The following CTSH variants were observed in gnomAD, a reference collection of about 807,000 sequenced individuals.
The protein encoded by CTSH is pro-cathepsin H.
CTSH carries 52 observed loss-of-function variants against 56.3 expected under a neutral mutation model. That is an observed-to-expected ratio of 0.92 (90% CI 0.74 to 1.16). The LOEUF (loss-of-function observed/expected upper bound fraction) is 1.16. Ranked by LOEUF, CTSH falls within the 50% of genes most tolerant of loss-of-function variation. CTSH has a pLI of 0.00. For missense variants in CTSH, 406 were observed against 424.5 expected, an observed-to-expected ratio of 0.96 and a Z score of 0.38; for synonymous variants, 174 against 155.7, an observed-to-expected ratio of 1.12 and a Z score of -0.88.
Position 78,922,058 on chromosome 15 carries a change from C to T in CTSH, c.*72G>A. 6 of 1,400,360 alleles carry T rather than the reference C, an allele frequency of 4.3e-6. No homozygotes were observed. The highest frequency in any genetic ancestry group is 1.2e-5 in the South Asian group (1 of 80,592). 86.7% of individuals were successfully genotyped at this position (1,400,360 alleles called of 1,614,324 possible). A position where few individuals can be genotyped will look rare whatever the true frequency, so the allele number is the denominator to read the frequency against. ...GATCTCCCCACAACTTCCTCCAGGG[C>T]AGGATTTCCACCCAGGCCCAGGCTG... On this transcript the variant is annotated 3_prime_UTR_variant, in exon 12 of 12. Transcript: ENST00000220166.
intron 3 of CTSH, 133 bp downstream of exon 3, chr15:78,937,185 T>C: frequency 1.4e-6 from 1 of 689,660 alleles, no homozygotes; most frequent in Non-Finnish European, 2.5e-6. Flanking sequence ...GGAGCCACAA[T>C]CTGAGGTCAG....
intron 6 of CTSH, chr15:78,932,154 A>G (rs2055074968): frequency 9.8e-7 from 1 of 1,020,732 alleles, no homozygotes; most frequent in South Asian, 1.8e-5. Flanking sequence ...AGATCCATCT[A>G]GGAATGAGCC....
At chr15:78,922,895 C>T in intron 11 of CTSH, 98 bp downstream of exon 11, 1 of 1,443,190 alleles carries the variant, frequency 6.9e-7, no homozygotes. Context: ...ACCAGCTCGT[C>T]TGTGGAAGCC....
At chr15:78,933,846 C>T (rs1433988740) in intron 5 of CTSH, among the ~76,000 whole-genome samples, 1 of 152,238 alleles carries the variant, frequency 6.6e-6, no homozygotes. Flanking sequence ...TCTATCCCCA[C>T]ACAGCGGCCA....
chr15:78,944,836 A>T, intron 1 of CTSH, 55 bp downstream of exon 1: 1 of 1,507,442 alleles, frequency 6.6e-7, no homozygotes, highest in Non-Finnish European at 8.9e-7. Flanking sequence ...AAGTTCTCCC[A>T]GCGTCCACTC....
chr15:78,934,952 G>A, intron 5 of CTSH, 26 bp downstream of exon 5: 1 of 1,473,960 alleles, frequency 6.8e-7, no homozygotes, highest in South Asian at 1.1e-5. Context: ...GTTTTGCAGG[G>A]AGAGGATGGA....
At chr15:78,942,829 A>G (rs1343682447) in intron 1 of CTSH, among the ~76,000 whole-genome samples, 1 of 152,182 alleles carries the variant, frequency 6.6e-6, no homozygotes, top group Non-Finnish European at 1.5e-5. Flanking sequence ...CTGTTTCCCC[A>G]AGGATCCATA....
chr15:78,923,702 C>T (rs2054829226), intron 10 of CTSH, among the ~76,000 whole-genome samples: 1 of 152,232 alleles, frequency 6.6e-6, no homozygotes, highest in African/African-American at 2.4e-5. Flanking sequence ...AGAGAGCCAC[C>T]TTCCTGCTGC....
intron 10 of CTSH, among the ~76,000 whole-genome samples, chr15:78,923,906 AT>A (rs1208654501): frequency 2.6e-5 from 4 of 152,104 alleles, no homozygotes; most frequent in African/African-American, 9.7e-5. Flanking sequence ...AATTCAGCTG[AT>A]GTGTAAGTGG....
intron 6 of CTSH, chr15:78,931,799 GCAGAGTGTGGGGTCCCA>G: frequency 7.4e-7 from 1 of 1,349,752 alleles, no homozygotes; most frequent in Non-Finnish European, 9.6e-7. Context: ...CCCATACGAT[GCAGAGTGTGGGGTCCCA>G]CAGCGGTGTA....
chr15:78,927,501 G>A, intron 9 of CTSH: 2 of 583,386 alleles, frequency 3.4e-6, no homozygotes, highest in Admixed American at 3.0e-5. Flanking sequence ...CTGGAGTTCA[G>A]AACCAGAGGG....
chr15:78,944,916 G>C lies in CTSH; in HGVS notation c.66C>G (p.Ala22=). 1 of 1,548,660 alleles carries C rather than the reference G, an allele frequency of 6.5e-7. No homozygotes were observed. The highest frequency in any genetic ancestry group is 8.7e-7 in the Non-Finnish European group (1 of 1,146,094). The change falls in exon 1 of 12, where the codon GCC becomes GCG. Residue 22 remains alanine (A), a synonymous_variant. Coordinates refer to ENST00000220166, the MANE Select transcript of CTSH (RefSeq NM_004390.5). The stretch of plus-strand genomic sequence containing the variant: ...CTAAGGAGTTCACGCACAGTTCGGC[G>C]GCACCGCAGACGGGGACTCCCAGGA... ...AWLLGVPVCG[A]AELCVNSLEK...
chr15:78,922,853 C>CT, intron 11 of CTSH, 140 bp downstream of exon 11: 1 of 1,019,752 alleles, frequency 9.8e-7, no homozygotes, highest in Non-Finnish European at 1.4e-6. Flanking sequence ...CTCATGCTCC[C>CT]TTTCCCCCTG....
At chr15:78,932,327 G>C (rs771415886) in intron 6 of CTSH, 45 bp downstream of exon 6, 3 of 1,556,102 alleles carry the variant, frequency 1.9e-6, no homozygotes, top group Non-Finnish European at 2.7e-6. Context: ...CCCACATCAG[G>C]ATGGGGTGTC....
intron 1 of CTSH, among the ~76,000 whole-genome samples, chr15:78,942,492 C>T (rs533177142): frequency 4.6e-5 from 7 of 152,304 alleles, no homozygotes; most frequent in South Asian, 4.1e-4. Flanking sequence ...GGATCACAGG[C>T]GTGAGCCCCC....
Position 78,935,052 on chromosome 15 carries a change from G to A in CTSH, c.331C>T (p.Arg111Ter), listed in dbSNP as rs548206226. ...NCSATKSNYL[R>*]GTGPYPPSVD... The stretch of plus-strand genomic sequence containing the variant: ...GAAGGTGGGTAGGGACCAGTACCTC[G>A]AAGGTAGTTACTTTTGGTGGCTGAG... Residue 111 changes from arginine (R) to a stop codon, truncating the protein, a stop_gained, in exon 5 of 12, where the codon CGA becomes TGA. Transcript: ENST00000220166. LOFTEE classifies it high-confidence loss of function. 9 of 1,614,016 alleles carry A rather than the reference G, an allele frequency of 5.6e-6. No homozygotes were observed. In the East Asian group the frequency reaches 8.9e-5, roughly 16 times the overall value.
intron 3 of CTSH, among the ~76,000 whole-genome samples, chr15:78,936,245 G>A (rs1433159637): frequency 2.1e-5 from 3 of 144,176 alleles, no homozygotes; most frequent in Non-Finnish European, 3.0e-5. Context: ...GCAGGGACGC[G>A]ATCTTGGCTC....
At chr15:78,924,436 T>A (rs1333861394) in intron 10 of CTSH, among the ~76,000 whole-genome samples, 1 of 151,566 alleles carries the variant, frequency 6.6e-6, no homozygotes. Flanking sequence ...GGGCAGAGCC[T>A]CAGGGAGGGA....
chr15:78,924,947 C>T (rs551045834), intron 10 of CTSH, among the ~76,000 whole-genome samples: 27 of 151,848 alleles, frequency 1.8e-4, no homozygotes, highest in East Asian at 5.8e-4. Flanking sequence ...CCACCTGCCT[C>T]GGCCTCCCAA....
Sources: allele counts gnomAD v4.1 joint callset (sites outside exome capture counted in the v4.1 genomes callset), GRCh38; gene constraint gnomAD v4.1.1; transcripts MANE v1.5; gene names NCBI Gene and HGNC (gene_info 2026-07-23, HGNC 2026-07-21).